PEMT: variants seen among roughly 807,000 people sequenced by gnomAD.
PEMT encodes the protein phosphatidylethanolamine N-methyltransferase.
PEMT carries 23 observed loss-of-function variants against 27.4 expected under a neutral mutation model. The ratio of observed to expected loss-of-function variants is 0.84; its 90% CI spans 0.60 to 1.19. PEMT has a LOEUF of 1.19. Ranked by LOEUF, PEMT falls within the 50% of genes most tolerant of loss-of-function variation. The pLI, the probability that PEMT is intolerant of heterozygous loss-of-function variation, is 0.00. For missense variants in PEMT, 307 were observed against 310.1 expected (o/e 0.99, Z 0.07); for synonymous variants, 137 against 139.1 (o/e 0.98, Z 0.11).
At chr17:17,539,426 C>T (rs929889483) in intron 2 of PEMT, among the ~76,000 whole-genome samples, 1 of 152,212 alleles carries the variant, frequency 6.6e-6, no homozygotes, top group South Asian at 2.1e-4. Flanking sequence ...TTTCCCTCCT[C>T]AAGTGTCACA....
chr17:17,532,071 C>A (rs1908139369), intron 2 of PEMT, among the ~76,000 whole-genome samples: 1 of 151,990 alleles, frequency 6.6e-6, no homozygotes, highest in African/African-American at 2.4e-5. Context: ...GGCAGAAAAA[C>A]CCAAAGCTAA....
At chr17:17,584,737 C>T (rs1912151196) in intron 1 of PEMT, among the ~76,000 whole-genome samples, 2 of 152,350 alleles carry the variant, frequency 1.3e-5, no homozygotes, top group South Asian at 2.1e-4. Context: ...AACCTTCACT[C>T]GGAAGTGAAC....
intron 5 of PEMT, chr17:17,508,384 T>C (rs1039579900): frequency 5.3e-6 from 1 of 188,086 alleles, no homozygotes; most frequent in Non-Finnish European, 1.1e-5. Context: ...GTAGGGTGGG[T>C]CCCAGCCAGA....
rs542213805 is a variant in PEMT at position 17,556,352 on chromosome 17, C to T, written c.204+20568G>A. Among the ~76,000 whole-genome samples, 9 of 151,118 alleles carry T rather than the reference C, an allele frequency of 6.0e-5. No individual in the cohort carries two copies. In the East Asian group the frequency reaches 1.8e-3, roughly 29 times the overall value. On this transcript the variant is annotated intron_variant, in intron 2 of 6. Coordinates refer to ENST00000255389, the MANE Select transcript of PEMT (RefSeq NM_148172.3). Reference sequence around the variant, plus strand: ...AGCCTTCTGCATGGGAGCCTTCCTTCCTTCCTTCCTGCTCTCTCTCTCTCA... The same window carrying T: ...AGCCTTCTGCATGGGAGCCTTCCTTTCTTCCTTCCTGCTCTCTCTCTCTCA...
intron 2 of PEMT, among the ~76,000 whole-genome samples, chr17:17,560,993 G>A (rs1394645479): frequency 6.6e-6 from 1 of 152,070 alleles, no homozygotes; most frequent in Non-Finnish European, 1.5e-5. Context: ...TGTGTGCAGT[G>A]TGACTGAAGA....
chr17:17,551,882 C>T (rs8074742), intron 2 of PEMT, among the ~76,000 whole-genome samples: 16,368 of 152,014 alleles, frequency 0.11, 1,382 homozygotes, highest in African/African-American at 0.24. Flanking sequence ...TTTAAAGAGA[C>T]GATACAAAAA....
intron 5 of PEMT, chr17:17,508,799 C>T (rs773744917): frequency 1.9e-5 from 9 of 464,796 alleles, no homozygotes; most frequent in South Asian, 7.8e-5. Flanking sequence ...CCTCATGGCA[C>T]GGGGCCCCCT....
chr17:17,522,318 G>A lies in PEMT; in HGVS notation c.282C>T (p.Ser94=), dbSNP rs781550863. 8 of 1,613,820 alleles carry A rather than the reference G, an allele frequency of 5.0e-6. No homozygotes were observed. The highest frequency in any genetic ancestry group is 4.0e-5 in the African/African-American group (3 of 74,932). Residue 94 remains serine, a synonymous_variant, in exon 3 of 7, where the codon AGC becomes AGT. Coordinates refer to ENST00000255389, the MANE Select transcript of PEMT (RefSeq NM_148172.3). ...GSPYLACYSL[S]VTILLLNFLR... ...GGAAGTTCAGGAGCAGGATGGTGAC[G>A]CTTAGAGAGTAGCAGGCCAGGTAGG...
At position 17,591,420 on chromosome 17, in the gene PEMT, T is replaced by C. The variant is rs557174739; in HGVS notation, c.96+111A>G. 20 of 684,802 alleles carry C rather than the reference T, an allele frequency of 2.9e-5. No homozygotes were observed. The East Asian group carries it at 4.7e-4, about 16-fold the overall frequency. The allele number at this position is 684,802 out of a possible 1,614,324, so 42.4% of individuals were successfully genotyped here. ...CCCGCCACGCCACGCCCCCATTGCC[T>C]GGGAACTGGCGGCCCCGCCCCGCAG... On this transcript the variant is annotated intron_variant, in intron 1 of 6. Coordinates refer to ENST00000255389, the MANE Select transcript of PEMT (RefSeq NM_148172.3).
At chr17:17,520,540 G>A (rs1359574878) in intron 3 of PEMT, among the ~76,000 whole-genome samples, 1 of 152,232 alleles carries the variant, frequency 6.6e-6, no homozygotes, top group East Asian at 1.9e-4. Context: ...CTATAAATGT[G>A]AAAATGCTCC....
At chr17:17,562,024 C>T (rs1348776732) in intron 2 of PEMT, among the ~76,000 whole-genome samples, 1 of 152,210 alleles carries the variant, frequency 6.6e-6, no homozygotes, top group African/African-American at 2.4e-5. Context: ...GCTTGGAGGG[C>T]CTCTTCCTGC....
At chr17:17,566,583 A>G (rs1404539345) in intron 2 of PEMT, among the ~76,000 whole-genome samples, 1 of 152,238 alleles carries the variant, frequency 6.6e-6, no homozygotes, top group Non-Finnish European at 1.5e-5. Flanking sequence ...ATGTCTGCAC[A>G]GAGCCAGGGC....
intron 1 of PEMT, among the ~76,000 whole-genome samples, chr17:17,586,342 CCA>C: frequency 6.6e-6 from 1 of 151,356 alleles, no homozygotes; most frequent in Non-Finnish European, 1.5e-5. Flanking sequence ...CTGAGCAGCG[CCA>C]TCCAGTGGCT....
In PEMT at chr17:17,574,315, CTTT is replaced by C. The variant is rs551467639; in HGVS notation, c.204+2602_204+2604del. 9.3e-4 allele frequency among the ~76,000 whole-genome samples: 103 copies of C among 110,680 alleles called. 1 individual carries two copies. The highest frequency in any genetic ancestry group is 2.8e-3 in the African/African-American group (77 of 27,646). 72.6% of individuals were successfully genotyped at this position (110,680 alleles called of 152,430 possible). On this transcript the variant is annotated intron_variant, in intron 2 of 6. Coordinates refer to ENST00000255389, the MANE Select transcript of PEMT (RefSeq NM_148172.3). ...TGCTGTCTTCCAAATCTTACTGCAT[CTTT>C]TTTTTTTTTTTTTTTTTTAAAGACA...
At chr17:17,551,015 G>C (rs1350276200) in intron 2 of PEMT, among the ~76,000 whole-genome samples, 1 of 152,232 alleles carries the variant, frequency 6.6e-6, no homozygotes, top group East Asian at 1.9e-4. Flanking sequence ...GTGGTATCAG[G>C]TGGTTTAATT....
rs777906396 is a variant in PEMT at position 17,522,330 on chromosome 17, G to A, written c.270C>T (p.Cys90=). The part of the protein sequence containing the change: ...SRAFGSPYLA[C]YSLSVTILLL... Reference sequence around the variant, plus strand: ...GCAGGATGGTGACGCTTAGAGAGTAGCAGGCCAGGTAGGGGGATCCGAAGG... The same window carrying A: ...GCAGGATGGTGACGCTTAGAGAGTAACAGGCCAGGTAGGGGGATCCGAAGG... The change falls in exon 3 of 7, where the codon TGC becomes TGT. Residue 90 remains cysteine, a synonymous_variant. Coordinates refer to ENST00000255389, the MANE Select transcript of PEMT (RefSeq NM_148172.3). 69 of 1,613,892 alleles carry A rather than the reference G, an allele frequency of 4.3e-5. No individual in the cohort carries two copies. The Admixed American group carries it at 1.1e-3, about 27-fold the overall frequency.
chr17:17,527,322 C>G lies in PEMT; in HGVS notation c.205-4927G>C, dbSNP rs186037852. 2.3e-3 allele frequency among the ~76,000 whole-genome samples: 347 copies of G among 152,322 alleles called. 5 individuals carry two copies. Among genetic ancestry groups the G allele is most frequent in the African/African-American group, 7.7e-3 (322 of 41,566 alleles). On this transcript the variant is annotated intron_variant, in intron 2 of 6. Transcript: ENST00000255389. Reference sequence around the variant, plus strand: ...AAAGTGCTGGGATTACAGGAGTGAGCCACTGTGCCCGGTGAGGGTAGAATT... The same window carrying G: ...AAAGTGCTGGGATTACAGGAGTGAGGCACTGTGCCCGGTGAGGGTAGAATT...
At chr17:17,568,092 C>T (rs1240611627) in intron 2 of PEMT, among the ~76,000 whole-genome samples, 1 of 152,166 alleles carries the variant, frequency 6.6e-6, no homozygotes, top group Non-Finnish European at 1.5e-5. Context: ...CATCCTTGAG[C>T]AGACAGTCCA....
intron 2 of PEMT, among the ~76,000 whole-genome samples, chr17:17,554,468 G>A (rs1909905454): frequency 6.6e-6 from 1 of 152,232 alleles, no homozygotes; most frequent in Non-Finnish European, 1.5e-5. Context: ...AACAGCGTGG[G>A]CAGCTTGCCT....
Sources: gnomAD v4.1 joint callset for allele counts (sites outside exome capture counted in the v4.1 genomes callset) on GRCh38, gnomAD v4.1.1 for gene constraint, MANE v1.5 for transcripts, NCBI Gene and HGNC (gene_info 2026-07-23, HGNC 2026-07-21) for gene names.